Variants in SRPK2 observed in about 807,000 individuals in gnomAD.
SRPK2 encodes SFRS protein kinase 2.
A neutral mutation model predicts 90.8 loss-of-function variants in SRPK2; 21 were observed. The ratio of observed to expected loss-of-function variants is 0.23; its 90% CI spans 0.16 to 0.33. The LOEUF is 0.33. SRPK2 is among the 10% of genes least tolerant of loss of function. SRPK2 has a pLI of 1.00. For missense variants in SRPK2, 620 were observed against 869.0 expected, an observed-to-expected ratio of 0.71 and a Z score of 3.60; for synonymous variants, 288 against 311.1, an observed-to-expected ratio of 0.93 and a Z score of 0.78.
At chr7:105,161,116 A>C (rs1807573890) in intron 6 of SRPK2, among the ~76,000 whole-genome samples, 1 of 152,022 alleles carries the variant, frequency 6.6e-6, no homozygotes, top group Admixed American at 6.6e-5. Context: ...TAGTAGAGAC[A>C]GGGTTTCACC....
chr7:105,217,664 T>C (rs1797627651), intron 2 of SRPK2, among the ~76,000 whole-genome samples: 1 of 152,226 alleles, frequency 6.6e-6, no homozygotes, highest in Non-Finnish European at 1.5e-5. Flanking sequence ...TGCAGGATTA[T>C]CCCAAGTATA....
At chr7:105,228,294 T>A (rs1773210693) in intron 2 of SRPK2, among the ~76,000 whole-genome samples, 1 of 152,236 alleles carries the variant, frequency 6.6e-6, no homozygotes, top group African/African-American at 2.4e-5. Context: ...TGGCTGAATT[T>A]AGATCCTTCA....
At chr7:105,283,538 T>C (rs1014645095) in intron 2 of SRPK2, among the ~76,000 whole-genome samples, 1 of 152,190 alleles carries the variant, frequency 6.6e-6, no homozygotes, top group Non-Finnish European at 1.5e-5. Flanking sequence ...TTATATGATT[T>C]CATGTGTGTA....
At chr7:105,289,532 T>C (rs2130985882) in intron 2 of SRPK2, among the ~76,000 whole-genome samples, 1 of 152,148 alleles carries the variant, frequency 6.6e-6, no homozygotes, top group East Asian at 1.9e-4. Flanking sequence ...GGAGGATCTC[T>C]TGAGCCCAGG....
At position 105,371,162 on chromosome 7, in the gene SRPK2, G is replaced by A. The variant is rs1372718104; in HGVS notation, c.71+17486C>T. On this transcript the variant is annotated intron_variant, in intron 2 of 15. Coordinates refer to ENST00000393651, the MANE Select transcript of SRPK2 (RefSeq NM_182692.3). ...CTCACGTCTGTAATCCCAGCACTCT[G>A]GGAGCCCAAGGTGAATGGATCACTT... Among the ~76,000 whole-genome samples the A allele has an allele frequency of 1.3e-5, 2 of 151,904 alleles. 1 individual carries two copies. The highest frequency in any genetic ancestry group is 3.9e-4 in the East Asian group (2 of 5,172).
intron 6 of SRPK2, among the ~76,000 whole-genome samples, chr7:105,163,629 T>C (rs958414162): frequency 4.0e-5 from 6 of 151,752 alleles, no homozygotes; most frequent in African/African-American, 1.5e-4. Context: ...ATCCCGTCTC[T>C]AAAAAAATAA....
chr7:105,353,382 C>T (rs1400424478), intron 2 of SRPK2, among the ~76,000 whole-genome samples: 1 of 152,080 alleles, frequency 6.6e-6, no homozygotes, highest in African/African-American at 2.4e-5. Context: ...CTCTGTCACC[C>T]AGGCTGGAAT....
chr7:105,312,439 A>C (rs1189423327), intron 2 of SRPK2, among the ~76,000 whole-genome samples: 1 of 149,960 alleles, frequency 6.7e-6, no homozygotes. Flanking sequence ...GACTCCGTCA[A>C]AAAAAAAAAA....
chr7:105,390,273 A>G (rs1232400834), upstream of SRPK2, among the ~76,000 whole-genome samples: 3 of 152,124 alleles, frequency 2.0e-5, no homozygotes, highest in Non-Finnish European at 4.4e-5. Context: ...TATATATTCA[A>G]TTTTGCAAAA....
intron 3 of SRPK2, among the ~76,000 whole-genome samples, chr7:105,169,503 G>A (rs1238222888): frequency 6.6e-6 from 1 of 152,274 alleles, no homozygotes; most frequent in East Asian, 1.9e-4. Context: ...AAGGCAGGTG[G>A]ATCATTTCAG....
intron 7 of SRPK2, among the ~76,000 whole-genome samples, chr7:105,160,045 GT>G (rs1807352142): frequency 6.6e-6 from 1 of 152,124 alleles, no homozygotes; most frequent in Non-Finnish European, 1.5e-5. Flanking sequence ...TCATCATACT[GT>G]CTATTAGATC....
In SRPK2 at chr7:105,188,956, T is replaced by C. The variant is rs953999018; in HGVS notation, c.229+14672A>G. Among the ~76,000 whole-genome samples, 6 of 152,176 alleles carry C rather than the reference T, an allele frequency of 3.9e-5. No homozygotes were observed. The East Asian group carries it at 5.8e-4, about 15-fold the overall frequency. Reference sequence around the variant, plus strand: ...GAGCATAAAAGGAAAAAAACCCTTATGCTACAGTGAGCCTAAAGGGGGTGG... The same window carrying C: ...GAGCATAAAAGGAAAAAAACCCTTACGCTACAGTGAGCCTAAAGGGGGTGG... On this transcript the variant is annotated intron_variant, in intron 3 of 15. Coordinates refer to ENST00000393651, the MANE Select transcript of SRPK2 (RefSeq NM_182692.3).
intron 2 of SRPK2, among the ~76,000 whole-genome samples, chr7:105,359,651 T>C (rs2132230836): frequency 6.6e-6 from 1 of 152,328 alleles, no homozygotes; most frequent in African/African-American, 2.4e-5. Flanking sequence ...AGCACTCATT[T>C]CCATCAAGTC....
chr7:105,176,958 A>T (rs1281621553), intron 3 of SRPK2, among the ~76,000 whole-genome samples: 1 of 152,110 alleles, frequency 6.6e-6, no homozygotes, highest in Non-Finnish European at 1.5e-5. Flanking sequence ...TCTTGAGTGA[A>T]GTAAGAATCT....
At chr7:105,182,444 C>A (rs1792994853) in intron 3 of SRPK2, among the ~76,000 whole-genome samples, 2 of 139,076 alleles carry the variant, frequency 1.4e-5, no homozygotes, top group South Asian at 4.5e-4. Context: ...ACTTTGTTTC[C>A]CCCCCCGCCT....
At chr7:105,348,305 A>G (rs1816716367) in intron 2 of SRPK2, among the ~76,000 whole-genome samples, 1 of 151,980 alleles carries the variant, frequency 6.6e-6, no homozygotes, top group East Asian at 1.9e-4. Flanking sequence ...TCCTGACATC[A>G]GGTGATCCAC....
intron 13 of SRPK2, among the ~76,000 whole-genome samples, chr7:105,128,973 G>C (rs1222315601): frequency 6.6e-6 from 1 of 152,196 alleles, no homozygotes; most frequent in Non-Finnish European, 1.5e-5. Context: ...GCCAATCAAT[G>C]AAATAATTTT....
chr7:105,328,452 A>C (rs1813856341), intron 2 of SRPK2, among the ~76,000 whole-genome samples: 1 of 148,254 alleles, frequency 6.7e-6, no homozygotes, highest in South Asian at 2.2e-4. Context: ...AATCCCAGCT[A>C]TTCAGGAGGC....
intron 3 of SRPK2, among the ~76,000 whole-genome samples, chr7:105,202,272 A>G (rs988868507): frequency 2.0e-5 from 3 of 152,228 alleles, no homozygotes; most frequent in African/African-American, 4.8e-5. Context: ...CAAATGATCT[A>G]TATCTACTAG....
Sources: gnomAD v4.1 joint callset for allele counts (sites outside exome capture counted in the v4.1 genomes callset) on GRCh38, gnomAD v4.1.1 for gene constraint, MANE v1.5 for transcripts, NCBI Gene and HGNC (gene_info 2026-07-23, HGNC 2026-07-21) for gene names.